The following FOXP2 variants were observed in gnomAD, a reference collection of about 807,000 sequenced individuals.
FOXP2 encodes the protein forkhead box protein P2.
Under a neutral mutation model 115.8 loss-of-function variants are expected in FOXP2, and 12 were observed. The ratio of observed to expected loss-of-function variants is 0.10; its 90% CI spans 0.07 to 0.17. The LOEUF is 0.17. Among genes scored for constraint, FOXP2 ranks in the 10% least tolerant of loss-of-function variants. The pLI is 1.00. For missense variants in FOXP2, 629 were observed against 843.5 expected (o/e 0.75, Z 3.15); for synonymous variants, 328 against 297.7 (o/e 1.10, Z -1.05).
intron 2 of FOXP2, among the ~76,000 whole-genome samples, chr7:114,310,290 G>GCCACTT (rs1797117328): frequency 6.6e-6 from 1 of 152,152 alleles, no homozygotes; most frequent in Non-Finnish European, 1.5e-5. Flanking sequence ...AGGGGTAGCT[G>GCCACTT]CCACTTGTTC....
chr7:114,274,603 C>CCTTTTTT (rs1796139497), intron 1 of FOXP2, among the ~76,000 whole-genome samples: 1 of 42,552 alleles, frequency 2.4e-5, no homozygotes, highest in African/African-American at 9.1e-5. Context: ...CCTCTCAAAG[C>CCTTTTTT]TTTTTTTTTT....
At chr7:114,299,724 C>T (rs1427592021) in intron 2 of FOXP2, among the ~76,000 whole-genome samples, 1 of 152,032 alleles carries the variant, frequency 6.6e-6, no homozygotes, top group African/African-American at 2.4e-5. Context: ...GTTGGACCCT[C>T]ACCAGACTTT....
At chr7:114,226,178 T>C (rs1322043303) in intron 1 of FOXP2, among the ~76,000 whole-genome samples, 1 of 152,200 alleles carries the variant, frequency 6.6e-6, no homozygotes, top group Admixed American at 6.5e-5. Context: ...GCCCCCCAAT[T>C]TACCATTTTA....
chr7:114,604,264 C>T (rs1313673218), intron 3 of FOXP2, among the ~76,000 whole-genome samples: 2 of 152,060 alleles, frequency 1.3e-5, no homozygotes, highest in Non-Finnish European at 2.9e-5. Flanking sequence ...GACACGAATC[C>T]CATTCATAAA....
rs146716970 is a variant in FOXP2 at position 114,184,135 on chromosome 7, T to C, written c.-102+21047T>C. On this transcript the variant is annotated intron_variant, in intron 1 of 17. Transcript: ENST00000634411. ...GTACCCACCATTCAGATTTGGTGAATGTTACTATTTTGCCATCTTTTATTT... is the reference window on the plus strand; with the variant it reads ...GTACCCACCATTCAGATTTGGTGAACGTTACTATTTTGCCATCTTTTATTT... 9.8e-5 allele frequency among the ~76,000 whole-genome samples: 15 copies of C among 152,318 alleles called. No individual in the cohort carries two copies. The East Asian group carries it at 2.7e-3, about 27-fold the overall frequency.
At chr7:114,271,156 A>T (rs1010551787) in intron 1 of FOXP2, among the ~76,000 whole-genome samples, 2 of 151,924 alleles carry the variant, frequency 1.3e-5, no homozygotes, top group Non-Finnish European at 2.9e-5. Flanking sequence ...GTAATTACTT[A>T]TTAGTTCCAG....
Position 114,630,108 on chromosome 7 carries a change from T to A in FOXP2, c.597+103T>A. 5 of 1,589,024 alleles carry A rather than the reference T, an allele frequency of 3.1e-6. No homozygotes were observed. In the South Asian group the frequency reaches 5.5e-5, roughly 18 times the overall value. On this transcript the variant is annotated intron_variant, in intron 5 of 16. Coordinates refer to ENST00000350908, the MANE Select transcript of FOXP2 (RefSeq NM_014491.4). ...TCTTCCTATAACAAGGCTCTTGCTG[T>A]CAAAGTTGCAGTATTATATATTTTT...
At chr7:114,225,738 A>G (rs530367891) in intron 1 of FOXP2, among the ~76,000 whole-genome samples, 72 of 152,120 alleles carry the variant, frequency 4.7e-4, no homozygotes, top group African/African-American at 1.7e-3. Context: ...CAGGTGTGAG[A>G]CACTGTACCC....
chr7:114,161,363 G>A (rs1002432932), upstream of FOXP2, among the ~76,000 whole-genome samples: 7 of 152,036 alleles, frequency 4.6e-5, no homozygotes, highest in East Asian at 1.9e-4. Context: ...AAATAATTGC[G>A]AATATCATTT....
At chr7:114,154,054 G>C (rs952698421) in intron 1 of FOXP2, among the ~76,000 whole-genome samples, 1 of 152,130 alleles carries the variant, frequency 6.6e-6, no homozygotes, top group African/African-American at 2.4e-5. Context: ...TAGTTCAACT[G>C]ATCTGCATTT....
intron 2 of FOXP2, among the ~76,000 whole-genome samples, chr7:114,532,886 T>G (rs937207882): frequency 3.9e-5 from 6 of 152,036 alleles, no homozygotes; most frequent in African/African-American, 1.4e-4. Flanking sequence ...TTTGGAAAAT[T>G]ATCATTTGTA....
At chr7:114,637,191 C>T (rs975355774) in intron 6 of FOXP2, among the ~76,000 whole-genome samples, 7 of 152,074 alleles carry the variant, frequency 4.6e-5, no homozygotes, top group African/African-American at 1.7e-4. Context: ...GTTGTATTAT[C>T]TGTGGTATGA....
In FOXP2 at chr7:114,670,929, T is replaced by C. The variant is rs1286496704; in HGVS notation, c.2003+6493T>C. Among the ~76,000 whole-genome samples, 3 of 152,116 alleles carry C rather than the reference T, an allele frequency of 2.0e-5. No homozygotes were observed. In the East Asian group the frequency reaches 5.8e-4, roughly 29 times the overall value. On this transcript the variant is annotated intron_variant, in intron 16 of 16. Coordinates refer to ENST00000350908, the MANE Select transcript of FOXP2 (RefSeq NM_014491.4). ...AGCCTGTACTATTTTTGCTGATGTTTTGGATCATTATGTTGCATTGCAAAA... is the reference window on the plus strand; with the variant it reads ...AGCCTGTACTATTTTTGCTGATGTTCTGGATCATTATGTTGCATTGCAAAA...
chr7:114,429,987 G>T (rs966931169), intron 2 of FOXP2, among the ~76,000 whole-genome samples: 1 of 151,602 alleles, frequency 6.6e-6, no homozygotes, highest in Non-Finnish European at 1.5e-5. Flanking sequence ...TCTTTTGAAA[G>T]ACTGTTTATG....
intron 2 of FOXP2, among the ~76,000 whole-genome samples, chr7:114,383,160 A>T (rs1161417911): frequency 6.6e-6 from 1 of 152,196 alleles, no homozygotes; most frequent in East Asian, 1.9e-4. Context: ...CAGTGATATT[A>T]TATCTCTCCA....
chr7:114,226,913 T>C (rs1293792025), intron 1 of FOXP2, among the ~76,000 whole-genome samples: 2 of 152,150 alleles, frequency 1.3e-5, no homozygotes, highest in African/African-American at 4.8e-5. Context: ...TAAGCTGCAG[T>C]AATACAGACT....
At chr7:114,185,674 GCTGT>G (rs1175176932) in intron 1 of FOXP2, among the ~76,000 whole-genome samples, 2 of 152,076 alleles carry the variant, frequency 1.3e-5, no homozygotes, top group African/African-American at 2.4e-5. Flanking sequence ...CAGGGAAACA[GCTGT>G]CTAATTTGTT....
At chr7:114,141,567 G>C (rs1198675732) in intron 1 of FOXP2, among the ~76,000 whole-genome samples, 1 of 152,208 alleles carries the variant, frequency 6.6e-6, no homozygotes, top group Non-Finnish European at 1.5e-5. Flanking sequence ...GATGTGCCAG[G>C]ATGCTGATCC....
chr7:114,462,983 A>C (rs908959677), intron 2 of FOXP2: 6 of 333,110 alleles, frequency 1.8e-5, no homozygotes, highest in Non-Finnish European at 2.9e-5. Context: ...ACTTGCAAAT[A>C]GTTCATCCAA....
Sources: gnomAD v4.1 joint callset for allele counts (sites outside exome capture counted in the v4.1 genomes callset) on GRCh38, gnomAD v4.1.1 for gene constraint, MANE v1.5 for transcripts, NCBI Gene and HGNC (gene_info 2026-07-23, HGNC 2026-07-21) for gene names.